EFR3A: variants seen among roughly 807,000 people sequenced by gnomAD.
The protein encoded by EFR3A is EFR3 homolog A, also known as protein EFR3 homolog A.
EFR3A carries 76 observed loss-of-function variants against 104.4 expected under a neutral mutation model. That is an observed-to-expected ratio of 0.73 (90% CI 0.60 to 0.88). The LOEUF is 0.88. Ranked by LOEUF, EFR3A falls within the 40% of genes least tolerant of loss-of-function variation. The pLI, the probability that EFR3A is intolerant of heterozygous loss-of-function variation, is 0.00. For synonymous variants in EFR3A, 330 were observed against 330.0 expected (o/e 1.00, Z 0.00); for missense variants, 985 against 1,012.5 (o/e 0.97, Z 0.37).
intron 1 of EFR3A, among the ~76,000 whole-genome samples, chr8:131,923,209 G>C (rs967382978): frequency 6.6e-6 from 1 of 152,078 alleles, no homozygotes; most frequent in Non-Finnish European, 1.5e-5. Context: ...TCGTTATTTC[G>C]GCAAAGTATT....
At chr8:131,977,448 A>G (rs1405477110) in intron 12 of EFR3A, among the ~76,000 whole-genome samples, 2 of 152,170 alleles carry the variant, frequency 1.3e-5, no homozygotes, top group Non-Finnish European at 2.9e-5. Context: ...TTCTTTCAAC[A>G]TATTATGCTA....
intron 10 of EFR3A, among the ~76,000 whole-genome samples, chr8:131,975,398 CTT>C (rs890481059): frequency 8.0e-6 from 1 of 125,302 alleles, no homozygotes; most frequent in African/African-American, 2.9e-5. Flanking sequence ...ATTTTTCCTT[CTT>C]TTTTTTTTCC....
intron 14 of EFR3A, among the ~76,000 whole-genome samples, chr8:131,981,444 G>A (rs934906846): frequency 6.6e-6 from 1 of 151,276 alleles, no homozygotes; most frequent in Admixed American, 6.6e-5. Context: ...TTCCTTTTTG[G>A]GTCTTTCTCT....
At chr8:131,904,884 C>T (rs1162848780) in intron 1 of EFR3A, among the ~76,000 whole-genome samples, 3 of 152,170 alleles carry the variant, frequency 2.0e-5, no homozygotes, top group Non-Finnish European at 2.9e-5. Context: ...CGGATTCACC[C>T]GGGCAGATGA....
chr8:131,908,279 C>G (rs560177114), intron 1 of EFR3A, among the ~76,000 whole-genome samples: 1 of 152,172 alleles, frequency 6.6e-6, no homozygotes, highest in South Asian at 2.1e-4. Context: ...CCAGGATGGT[C>G]TCAATCTCCT....
intron 1 of EFR3A, among the ~76,000 whole-genome samples, chr8:131,931,148 T>G (rs1016928197): frequency 6.6e-6 from 1 of 152,034 alleles, no homozygotes; most frequent in Non-Finnish European, 1.5e-5. Flanking sequence ...AAGTCCTGGG[T>G]TGGGGGCAGG....
Position 131,968,410 on chromosome 8 carries a change from T to C in EFR3A, c.971T>C (p.Ile324Thr). 1 of 1,613,610 alleles carries C rather than the reference T, an allele frequency of 6.2e-7. No individual in the cohort carries two copies. The highest frequency in any genetic ancestry group is 8.5e-7 in the Non-Finnish European group (1 of 1,179,594). The change falls in exon 9 of 23, where the codon ATT (isoleucine) becomes ACT (threonine). Residue 324 changes from isoleucine to threonine, a missense_variant. Coordinates refer to ENST00000254624, the MANE Select transcript of EFR3A (RefSeq NM_015137.6). ...CAGGTTCTGTTAGAGGCTGTTGCCA[T>C]TGCTGCTAAAGGTTCCATAGGTGAG... ...IIQVLLEAVA[I>T]AAKGSIGPTV...
intron 10 of EFR3A, among the ~76,000 whole-genome samples, chr8:131,972,050 T>C (rs1820081420): frequency 6.6e-6 from 1 of 152,174 alleles, no homozygotes; most frequent in African/African-American, 2.4e-5. Context: ...ATCAGTTGCC[T>C]CTCAATGTTC....
At chr8:131,940,620 T>C in intron 2 of EFR3A, 45 bp downstream of exon 2, 3 of 1,572,870 alleles carry the variant, frequency 1.9e-6, no homozygotes, top group Non-Finnish European at 2.6e-6. Context: ...GCTGACCCAT[T>C]CTGCCCCCCG....
At chr8:131,928,946 C>T (rs1474210235) in intron 1 of EFR3A, among the ~76,000 whole-genome samples, 1 of 152,026 alleles carries the variant, frequency 6.6e-6, no homozygotes, top group Non-Finnish European at 1.5e-5. Flanking sequence ...TCTCTTTCTG[C>T]TCTTATTGTG....
At position 131,933,127 on chromosome 8, in the gene EFR3A, A is replaced by G. The variant is rs190129416; in HGVS notation, c.11-7372A>G. On this transcript the variant is annotated intron_variant, in intron 1 of 22. Coordinates refer to ENST00000254624, the MANE Select transcript of EFR3A (RefSeq NM_015137.6). ...CTAAGAGTACTACTGATATTGTAGA[A>G]GACATTAGCCAATCTTTTATATATT... Among the ~76,000 whole-genome samples the G allele has an allele frequency of 1.3e-3, 196 of 152,296 alleles. 1 individual carries two copies. The highest frequency in any genetic ancestry group is 4.0e-3 in the African/African-American group (165 of 41,566).
In EFR3A at chr8:131,946,593, A is replaced by T. The variant is rs909688625; in HGVS notation, c.326A>T (p.Glu109Val). ...CTTCATATGGTGGCAAAGCTGCTGG[A>T]ATCGGGGGAACCAAAGCTTCAAGTT... ...SFLHMVAKLL[E>V]SGEPKLQVLG... The change falls in exon 4 of 23, where the codon GAA (glutamate) becomes GTA (valine). Residue 109 changes from glutamate to valine, a missense_variant. Coordinates refer to ENST00000254624, the MANE Select transcript of EFR3A (RefSeq NM_015137.6). 1.2e-6 allele frequency: 2 copies of T among 1,605,350 alleles called. No individual in the cohort carries two copies. The highest frequency in any genetic ancestry group is 1.7e-6 in the Non-Finnish European group (2 of 1,175,998).
At chr8:131,961,354 A>C (rs993120410) in intron 8 of EFR3A, among the ~76,000 whole-genome samples, 1 of 152,242 alleles carries the variant, frequency 6.6e-6, no homozygotes, top group African/African-American at 2.4e-5. Context: ...ACCAATGCAG[A>C]GAAGTCCTTA....
In EFR3A at chr8:131,953,938, T is replaced by A. The variant is rs749156712; in HGVS notation, c.609T>A (p.Phe203Leu). ...HMDKIVPSLL[F>L]NMQKIEEVDS... is the part of the protein sequence containing the mutation. ...ATAAGATTGTTCCATCCCTCCTGTT[T>A]AACATGCAAAAGATAGAAGAAGTTG... Residue 203 changes from phenylalanine (F) to leucine (L), a missense_variant, in exon 6 of 23, where the codon TTT (phenylalanine) becomes TTA (leucine). By Grantham distance (22) the Phe-to-Leu change is conservative (BLOSUM62 0). Coordinates refer to ENST00000254624, the MANE Select transcript of EFR3A (RefSeq NM_015137.6). 1 of 1,560,212 alleles carries A rather than the reference T, an allele frequency of 6.4e-7. No individual in the cohort carries two copies. Among genetic ancestry groups the A allele is most frequent in the African/African-American group, 1.4e-5 (1 of 73,318 alleles).
At chr8:131,964,409 G>A (rs1819575924) in intron 8 of EFR3A, among the ~76,000 whole-genome samples, 1 of 151,834 alleles carries the variant, frequency 6.6e-6, no homozygotes, top group Non-Finnish European at 1.5e-5. Context: ...AAAATCACAA[G>A]CATTCTTATA....
At chr8:132,003,188 A>C in intron 21 of EFR3A, 48 bp from the exon 22 acceptor site, 2 of 1,413,852 alleles carry the variant, frequency 1.4e-6, no homozygotes, top group Non-Finnish European at 2.0e-6. Context: ...TATTATATAT[A>C]GATACCTAGA....
In EFR3A at chr8:131,996,312, G is replaced by A. The variant is rs1000540008; in HGVS notation, c.2066-94G>A. On this transcript the variant is annotated intron_variant, in intron 18 of 22. Transcript: ENST00000254624. Reference sequence around the variant, plus strand: ...AAAAGACAAACTGTCTGAATTTTTTGACAGTTTTTGAAATCTGAAATAAGT... The same window carrying A: ...AAAAGACAAACTGTCTGAATTTTTTAACAGTTTTTGAAATCTGAAATAAGT... 3 of 733,684 alleles carry A rather than the reference G, an allele frequency of 4.1e-6. No individual in the cohort carries two copies. In the East Asian group the frequency reaches 9.3e-5, roughly 23 times the overall value. The allele number at this position is 733,684 out of a possible 1,614,324, so 45.4% of individuals were successfully genotyped here. A position where few individuals can be genotyped will look rare whatever the true frequency, so the allele number is the denominator to read the frequency against.
At chr8:131,935,897 T>G (rs941702270) in intron 1 of EFR3A, among the ~76,000 whole-genome samples, 2 of 151,766 alleles carry the variant, frequency 1.3e-5, no homozygotes, top group Non-Finnish European at 2.9e-5. Flanking sequence ...AGTCCCCAAA[T>G]TTATAGAGTT....
At chr8:131,952,552 A>G (rs1234202581) in intron 5 of EFR3A, among the ~76,000 whole-genome samples, 1 of 152,160 alleles carries the variant, frequency 6.6e-6, no homozygotes, top group African/African-American at 2.4e-5. Flanking sequence ...GCTCCATGCC[A>G]CCTTGTGCTT....
Sources: gnomAD v4.1 joint callset for allele counts (sites outside exome capture counted in the v4.1 genomes callset) on GRCh38, gnomAD v4.1.1 for gene constraint, MANE v1.5 for transcripts, NCBI Gene and HGNC (gene_info 2026-07-23, HGNC 2026-07-21) for gene names.